The following LOXHD1 variants were observed in gnomAD, a reference collection of about 807,000 sequenced individuals.
The protein encoded by LOXHD1 is lipoxygenase homology domain-containing protein 1.
LOXHD1 carries 205 observed loss-of-function variants against 248.2 expected under a neutral mutation model. The ratio of observed to expected loss-of-function variants is 0.83; its 90% confidence interval spans 0.74 to 0.93. The LOEUF (loss-of-function observed/expected upper bound fraction) is 0.93, where lower values mean the gene tolerates loss of function less well. Ranked by LOEUF, LOXHD1 falls within the 40% of genes least tolerant of loss-of-function variation. The pLI is 0.00. For missense variants in LOXHD1, 2,930 were observed against 2,971.6 expected (o/e 0.99, Z 0.33); for synonymous variants, 1,113 against 1,162.8 (o/e 0.96, Z 0.87).
intron 12 of LOXHD1, among the ~76,000 whole-genome samples, chr18:46,587,080 C>A (rs983348153): frequency 3.3e-5 from 5 of 152,182 alleles, no homozygotes; most frequent in Non-Finnish European, 7.4e-5. Flanking sequence ...GGAGAAATCT[C>A]CTGCCTACCA....
chr18:46,573,031 A>AG (rs994730569), intron 14 of LOXHD1, among the ~76,000 whole-genome samples: 11 of 150,504 alleles, frequency 7.3e-5, no homozygotes, highest in African/African-American at 2.7e-4. Context: ...TCAAAAAAAA[A>AG]AAAAAAAAAA....
intron 4 of LOXHD1, among the ~76,000 whole-genome samples, chr18:46,625,683 A>G (rs150595541): frequency 6.6e-6 from 1 of 152,284 alleles, no homozygotes; most frequent in Non-Finnish European, 1.5e-5. Flanking sequence ...GAACTGTCCA[A>G]TGTAAGTCTG....
At chr18:46,492,107 T>G (rs1240757706) in intron 37 of LOXHD1, among the ~76,000 whole-genome samples, 3 of 112,900 alleles carry the variant, frequency 2.7e-5, no homozygotes, top group Non-Finnish European at 3.9e-5. Context: ...AACATGCAAC[T>G]ATGAAACATC....
chr18:46,493,053 A>C (rs1395187597), intron 37 of LOXHD1, among the ~76,000 whole-genome samples: 1 of 152,218 alleles, frequency 6.6e-6, no homozygotes, highest in East Asian at 1.9e-4. Flanking sequence ...TAGGATTGAC[A>C]TGATCTGGTC....
chr18:46,485,456 T>C (rs1356397997), intron 38 of LOXHD1, among the ~76,000 whole-genome samples: 1 of 151,874 alleles, frequency 6.6e-6, no homozygotes, highest in African/African-American at 2.4e-5. Flanking sequence ...AGATGCAAAA[T>C]GGAGATTGGT....
chr18:46,554,853 A>C (rs1411062042), intron 21 of LOXHD1, among the ~76,000 whole-genome samples: 1 of 152,216 alleles, frequency 6.6e-6, no homozygotes, highest in Non-Finnish European at 1.5e-5. Flanking sequence ...CAGCTGGATA[A>C]ATGGAAAAGT....
At chr18:46,535,725 C>G (rs2036282212) in intron 26 of LOXHD1, among the ~76,000 whole-genome samples, 1 of 152,142 alleles carries the variant, frequency 6.6e-6, no homozygotes, top group South Asian at 2.1e-4. Context: ...TGCCTGCCAC[C>G]ACGCCCAGCT....
In LOXHD1 at chr18:46,579,664, C is replaced by A; in HGVS notation, c.1775G>T (p.Cys592Phe). Residue 592 changes from cysteine to phenylalanine, a missense_variant, in exon 13 of 41, where the codon TGC becomes TTC. Cys to Phe is a radical substitution (Grantham distance 205). Coordinates refer to ENST00000642948, the MANE Select transcript of LOXHD1 (RefSeq NM_001384474.1). ...GDTGERLLYN[C>F]RNNTDLFEKG... ...TTCAAACAGGTCTGTGTTATTCCTG[C>A]AGTTGTAGAGCAGCCGTTCCCCCGT... The A allele has an allele frequency of 6.4e-7, 1 of 1,551,704 alleles. No homozygotes were observed. The highest frequency in any genetic ancestry group is 8.7e-7 in the Non-Finnish European group (1 of 1,146,996).
Position 46,542,841 on chromosome 18 carries a change from T to G in LOXHD1, c.3634A>C (p.Lys1212Gln). 1.3e-6 allele frequency: 2 copies of G among 1,551,742 alleles called. No homozygotes were observed. The change falls in exon 24 of 41, where the codon AAG (lysine) becomes CAG (glutamine). Residue 1212 changes from lysine to glutamine, a missense_variant. By Grantham distance (53) the Lys-to-Gln change is moderately conservative (BLOSUM62 1). Coordinates refer to ENST00000642948, the MANE Select transcript of LOXHD1 (RefSeq NM_001384474.1). ...TQDDTGMTLL[K>Q]SSKTNSDKFE... is the part of the protein sequence containing the mutation. ...TTATCGCTGTTTGTCTTGGAGGACT[T>G]CAGGAGGGTCATTCCTGTGGATCAG...
chr18:46,482,049 A>C, intron 40 of LOXHD1, among the ~76,000 whole-genome samples: 1 of 152,234 alleles, frequency 6.6e-6, no homozygotes, highest in Non-Finnish European at 1.5e-5. Flanking sequence ...TGACTTGCTC[A>C]GTGAGTCATT....
chr18:46,594,055 G>A (rs1350751209), intron 9 of LOXHD1, among the ~76,000 whole-genome samples: 2 of 152,224 alleles, frequency 1.3e-5, no homozygotes, highest in Non-Finnish European at 2.9e-5. Context: ...GTGCACTGTA[G>A]TGAACGATTC....
chr18:46,528,072 C>T (rs889373101), intron 29 of LOXHD1, among the ~76,000 whole-genome samples: 1 of 152,176 alleles, frequency 6.6e-6, no homozygotes, highest in African/African-American at 2.4e-5. Flanking sequence ...TAATATCCTC[C>T]TCACTAGTAG....
In LOXHD1 at chr18:46,538,309, G is replaced by T. The variant is rs948768782; in HGVS notation, c.3942C>A (p.Thr1314=). 7.1e-6 allele frequency: 11 copies of T among 1,550,546 alleles called. No individual in the cohort carries two copies. Among genetic ancestry groups the T allele is most frequent in the Non-Finnish European group, 8.7e-6 (10 of 1,146,066 alleles). ...PFVPYEITLY[T]SDVFAAGTDA... is the part of the protein sequence containing the mutation. ...CTGTCCCAGCAGCAAAGACATCACT[G>T]GTGTAGAGGGTGATCTCGTAAGGAA... Residue 1314 remains threonine, a synonymous_variant, in exon 26 of 41, where the codon ACC becomes ACA. Transcript: ENST00000642948.
chr18:46,509,929 G>A, intron 34 of LOXHD1, 114 bp from the exon 35 acceptor site: 1 of 740,304 alleles, frequency 1.4e-6, no homozygotes, highest in Non-Finnish European at 2.4e-6. Flanking sequence ...CCTTTACTCA[G>A]CAGCCCCTCT....
At chr18:46,634,173 T>C (rs1180769154) in intron 4 of LOXHD1, among the ~76,000 whole-genome samples, 2 of 152,350 alleles carry the variant, frequency 1.3e-5, no homozygotes, top group Non-Finnish European at 2.9e-5. Flanking sequence ...AAGGTGGAAA[T>C]AGTCCAATGT....
At chr18:46,518,298 C>T (rs745908773) in intron 33 of LOXHD1, 42 bp from the exon 34 acceptor site, 19 of 1,543,764 alleles carry the variant, frequency 1.2e-5, no homozygotes, top group Non-Finnish European at 1.6e-5. Flanking sequence ...CAGCCTCACC[C>T]TCCAACCCCA....
intron 39 of LOXHD1, among the ~76,000 whole-genome samples, 186 bp from the exon 40 acceptor site, chr18:46,483,931 T>C (rs2032811585): frequency 6.6e-6 from 1 of 151,884 alleles, no homozygotes; most frequent in South Asian, 2.1e-4. Flanking sequence ...ACAATCACGA[T>C]GAAAAAGCCC....
At chr18:46,558,523 T>C (rs569728880) in intron 20 of LOXHD1, among the ~76,000 whole-genome samples, 58 of 152,246 alleles carry the variant, frequency 3.8e-4, no homozygotes, top group African/African-American at 1.4e-3. Context: ...AACGCAGAAA[T>C]AAACTACATC....
chr18:46,576,908 T>C (rs1444407624), intron 14 of LOXHD1, among the ~76,000 whole-genome samples: 1 of 152,202 alleles, frequency 6.6e-6, no homozygotes, highest in Non-Finnish European at 1.5e-5. Flanking sequence ...CACTCATTAC[T>C]GGGCAGCTGT....
Sources: allele counts gnomAD v4.1 joint callset (sites outside exome capture counted in the v4.1 genomes callset), GRCh38; gene constraint gnomAD v4.1.1; transcripts MANE v1.5; gene names NCBI Gene and HGNC (gene_info 2026-07-23, HGNC 2026-07-21).